The following TSPAN8 variants were observed in gnomAD, a reference collection of about 807,000 sequenced individuals.
TSPAN8 encodes tetraspanin-8.
In TSPAN8, 21 loss-of-function variants were observed where a neutral mutation model predicts 32.8. The observed-to-expected ratio is 0.64, with a 90% CI of 0.45 to 0.92. The LOEUF is 0.92. Among genes scored for constraint, TSPAN8 ranks in the 40% least tolerant of loss-of-function variants. The pLI is 0.00. For synonymous variants in TSPAN8, 95 were observed against 94.6 expected, an observed-to-expected ratio of 1.00 and a Z score of -0.03; for missense variants, 269 against 281.9, an observed-to-expected ratio of 0.95 and a Z score of 0.33.
At chr12:71,140,009 A>C (rs1871850731) in intron 3 of TSPAN8, among the ~76,000 whole-genome samples, 161 bp from the exon 4 acceptor site, 1 of 69,836 alleles carries the variant, frequency 1.4e-5, no homozygotes, top group Non-Finnish European at 3.3e-5. Context: ...GCCCTCATGG[A>C]GCTCACATTC....
rs764084767 is a variant in TSPAN8, at chr12:71,132,794, C to A, written c.475G>T (p.Ala159Ser). The change falls in exon 7 of 9, where the codon GCT becomes TCT. Residue 159 changes from alanine to serine, a missense_variant. Physicochemically the swap from Ala to Ser is moderately conservative, Grantham distance 99 (BLOSUM62 1). Coordinates refer to ENST00000247829, the MANE Select transcript of TSPAN8 (RefSeq NM_004616.3). ...FKCCGLVNGAADWGNNFQHYP... is the reference protein window; with the variant it reads ...FKCCGLVNGASDWGNNFQHYP... ...TGTTGAAAATTATTTCCCCAATCAGCAGCTCCATTGACCAAACCGCAGCAT... is the reference window on the plus strand; with the variant it reads ...TGTTGAAAATTATTTCCCCAATCAGAAGCTCCATTGACCAAACCGCAGCAT... 1 of 1,613,954 alleles carries A rather than the reference C, an allele frequency of 6.2e-7. No homozygotes were observed. The highest frequency in any genetic ancestry group is 1.3e-5 in the African/African-American group (1 of 75,034).
intron 4 of TSPAN8, 26 bp downstream of exon 4, chr12:71,139,685 C>T (rs547999152): frequency 2.9e-5 from 47 of 1,610,350 alleles, no homozygotes; most frequent in Non-Finnish European, 3.6e-5. Flanking sequence ...GAAGGTTGGA[C>T]ACTGGGATTT....
intron 3 of TSPAN8, 149 bp from the exon 4 acceptor site, chr12:71,139,997 T>G (rs1871850120): frequency 7.2e-6 from 2 of 276,734 alleles, no homozygotes; most frequent in African/African-American, 6.0e-5. Flanking sequence ...GTACAAATCC[T>G]TGCCCTCATG....
At chr12:71,153,184 T>A (rs572706717) in intron 2 of TSPAN8, among the ~76,000 whole-genome samples, 3 of 152,250 alleles carry the variant, frequency 2.0e-5, no homozygotes, top group East Asian at 1.9e-4. Flanking sequence ...ACCATAAGCA[T>A]CTACGATATT....
chr12:71,125,444 T>C (rs370855173), intron 8 of TSPAN8, 57 bp from the exon 9 acceptor site: 256 of 1,396,298 alleles, frequency 1.8e-4, no homozygotes, highest in Non-Finnish European at 2.5e-4. Flanking sequence ...CTGGACACAT[T>C]ATAAATAAAC....
intron 2 of TSPAN8, among the ~76,000 whole-genome samples, chr12:71,144,938 ACT>A (rs1337741041): frequency 2.0e-5 from 3 of 151,260 alleles, no homozygotes; most frequent in African/African-American, 4.9e-5. Flanking sequence ...TGTAAGGAAA[ACT>A]CTTGTCATTC....
chr12:71,156,273 C>A (rs10879266), intron 2 of TSPAN8, among the ~76,000 whole-genome samples: 8,445 of 35,030 alleles, frequency 0.24, 1,791 homozygotes, highest in African/African-American at 0.6. Context: ...AAAAAACAAA[C>A]AAAAAAAAAA....
intron 2 of TSPAN8, among the ~76,000 whole-genome samples, chr12:71,150,644 T>C (rs1872223771): frequency 6.6e-6 from 1 of 152,192 alleles, no homozygotes; most frequent in South Asian, 2.1e-4. Context: ...CCCCCAATAC[T>C]ATATTAATGG....
intron 3 of TSPAN8, among the ~76,000 whole-genome samples, chr12:71,141,555 CAT>C (rs1185910247): frequency 6.6e-6 from 1 of 152,032 alleles, no homozygotes; most frequent in Non-Finnish European, 1.5e-5. Flanking sequence ...AATATCTACA[CAT>C]GAGGCCAAGA....
At chr12:71,128,459 GC>G (rs1871409715) in intron 8 of TSPAN8, among the ~76,000 whole-genome samples, 4 of 152,060 alleles carry the variant, frequency 2.6e-5, no homozygotes, top group Non-Finnish European at 5.9e-5. Context: ...GCTCTCACAG[GC>G]ATTAACCAGG....
intron 3 of TSPAN8, among the ~76,000 whole-genome samples, chr12:71,140,934 C>T (rs1871884503): frequency 1.3e-5 from 2 of 152,190 alleles, no homozygotes; most frequent in African/African-American, 4.8e-5. Flanking sequence ...GCTCCCTTAA[C>T]AGTCAATACA....
At chr12:71,134,801 A>C (rs1454645811) in intron 6 of TSPAN8, among the ~76,000 whole-genome samples, 1 of 152,246 alleles carries the variant, frequency 6.6e-6, no homozygotes, top group Non-Finnish European at 1.5e-5. Flanking sequence ...GCATAAAGTC[A>C]TACTCATAGA....
At chr12:71,135,546 A>G (rs374342533) in intron 6 of TSPAN8, among the ~76,000 whole-genome samples, 1 of 146,716 alleles carries the variant, frequency 6.8e-6, no homozygotes. Flanking sequence ...AGAAGGAAAG[A>G]AGGAGAAGAA....
At chr12:71,155,879 G>A (rs761289138) in intron 2 of TSPAN8, among the ~76,000 whole-genome samples, 5 of 151,760 alleles carry the variant, frequency 3.3e-5, no homozygotes, top group Non-Finnish European at 4.4e-5. Context: ...CTACAGGGGC[G>A]TGCCACCATG....
intron 8 of TSPAN8, among the ~76,000 whole-genome samples, chr12:71,126,150 T>C (rs1871343815): frequency 6.6e-6 from 1 of 152,084 alleles, no homozygotes; most frequent in Non-Finnish European, 1.5e-5. Context: ...GAAGGGAGGA[T>C]GGAGGAAGGC....
chr12:71,151,373 C>T (rs1409672444), intron 2 of TSPAN8, among the ~76,000 whole-genome samples: 1 of 152,118 alleles, frequency 6.6e-6, no homozygotes, highest in African/African-American at 2.4e-5. Context: ...TCATGTGCAT[C>T]TTCTAACAAG....
At chr12:71,141,629 G>C (rs1448650980) in intron 3 of TSPAN8, among the ~76,000 whole-genome samples, 1 of 152,204 alleles carries the variant, frequency 6.6e-6, no homozygotes, top group Non-Finnish European at 1.5e-5. Flanking sequence ...ACCTGGGCAG[G>C]GTGACCCACT....
At chr12:71,125,493 C>T (rs896555090) in intron 8 of TSPAN8, 106 bp from the exon 9 acceptor site, 1 of 906,594 alleles carries the variant, frequency 1.1e-6, no homozygotes, top group Non-Finnish European at 1.7e-6. Context: ...TGTATATTGA[C>T]AGTTCCAATC....
In TSPAN8 at chr12:71,145,774, T is replaced by A. The variant is rs1256492240; in HGVS notation, c.61-1561A>T. 1.3e-4 allele frequency among the ~76,000 whole-genome samples: 20 copies of A among 152,298 alleles called. 2 individuals are homozygous for A. The South Asian group carries it at 4.1e-3, about 32-fold the overall frequency. On this transcript the variant is annotated intron_variant, in intron 2 of 8. Transcript: ENST00000247829. Reference sequence around the variant, plus strand: ...TTGTTTAGTTTGTTCACTGATTATCTTCTTTCGTTTTCTTCTCTTTTCACA... The same window carrying A: ...TTGTTTAGTTTGTTCACTGATTATCATCTTTCGTTTTCTTCTCTTTTCACA...
Sources: gnomAD v4.1 joint callset for allele counts (sites outside exome capture counted in the v4.1 genomes callset) on GRCh38, gnomAD v4.1.1 for gene constraint, MANE v1.5 for transcripts, NCBI Gene and HGNC (gene_info 2026-07-23, HGNC 2026-07-21) for gene names.